The following FLG variants were observed in gnomAD, a reference collection of about 807,000 sequenced individuals.
FLG encodes the protein epidermal filaggrin.
In FLG, 6 loss-of-function variants were observed where a neutral mutation model predicts 3.8. The observed-to-expected ratio is 1.60, with a 90% CI of 0.87 to 3.15. The LOEUF (loss-of-function observed/expected upper bound fraction) is 3.15. Among genes scored for constraint, FLG ranks in the 30% most tolerant of loss-of-function variants. FLG has a pLI of 0.00. For synonymous variants in FLG, 2,551 were observed against 1,931.6 expected (o/e 1.32, Z -8.41); for missense variants, 7,595 against 5,050.9 (o/e 1.50, Z -15.27).
Position 152,315,307 on chromosome 1 carries a change from A to G in FLG, c.138+12T>C. 2 of 1,612,660 alleles carry G rather than the reference A, an allele frequency of 1.2e-6. No individual in the cohort carries two copies. The highest frequency in any genetic ancestry group is 1.7e-6 in the Non-Finnish European group (2 of 1,179,008). On this transcript the variant is annotated intron_variant, in intron 2 of 2. Transcript: ENST00000368799. ...CAAATGCTCTATCTTTGGTCTTGTC[A>G]GAGACTCTTACCTTCAGGATTTGCC...
chr1:152,324,981 C>A (rs543758039), intron 1 of FLG, among the ~76,000 whole-genome samples: 1 of 151,896 alleles, frequency 6.6e-6, no homozygotes, highest in South Asian at 2.1e-4. Context: ...GACAATCTAA[C>A]AATACAGAGT....
chr1:152,313,967 A>G lies in FLG; in HGVS notation c.919T>C (p.Ser307Pro), dbSNP rs778543583. The change falls in exon 3 of 3, where the codon TCA becomes CCA. Residue 307 changes from serine (S) to proline (P), a missense_variant. Coordinates refer to ENST00000368799, the MANE Select transcript of FLG (RefSeq NM_002016.2). ...VSQDRDSEGH[S>P]EDSERHSGSA... ...CCAGAGTGCCTCTCAGAGTCTTCTG[A>G]GTGTCCCTCACTGTCCCTGTCCTGG... The G allele has an allele frequency of 9.9e-6, 16 of 1,613,870 alleles. No individual in the cohort carries two copies. Among genetic ancestry groups the G allele is most frequent in the Middle Eastern group, 3.3e-4 (2 of 6,084 alleles).
chr1:152,309,384 A>G lies in FLG; in HGVS notation c.5502T>C (p.Asp1834=). The G allele has an allele frequency of 6.2e-6, 10 of 1,613,658 alleles. No homozygotes were observed. Among genetic ancestry groups the G allele is most frequent in the Non-Finnish European group, 8.5e-6 (10 of 1,179,962 alleles). The change falls in exon 3 of 3, where the codon GAT becomes GAC. Residue 1834 remains aspartate (D), a synonymous_variant. Transcript: ENST00000368799. Reference sequence around the variant, plus strand: ...GATGAGACCCTGAGTGTCCAGAACTATCTACCGATTGCTCATAGTGGGATC... The same window carrying G: ...GATGAGACCCTGAGTGTCCAGAACTGTCTACCGATTGCTCATAGTGGGATC... ...RQGSHYEQSV[D]SSGHSGSHHS... is the part of the protein sequence containing the mutation.
rs770124846 is a variant in FLG at position 152,314,395 on chromosome 1, T to C, written c.491A>G (p.Tyr164Cys). The C allele has an allele frequency of 7.4e-6, 12 of 1,613,334 alleles. No homozygotes were observed. The highest frequency in any genetic ancestry group is 6.8e-6 in the Non-Finnish European group (8 of 1,179,896). Residue 164 changes from tyrosine (Y) to cysteine (C), a missense_variant, in exon 3 of 3, where the codon TAT becomes TGT. Tyr to Cys is a radical substitution (Grantham distance 194). Coordinates refer to ENST00000368799, the MANE Select transcript of FLG (RefSeq NM_002016.2). ...TTCTTCTTCTCTATGAGTAGGTGAA[T>C]ATCCTTTTCTTTCTTTTTTTTCAGA... is the stretch of plus-strand genomic sequence containing the variant. ...SSSEKKERKG[Y>C]SPTHREEEYG...
rs2101635157 is a variant in FLG at position 152,303,492 on chromosome 1, A to C, written c.11394T>G (p.Asp3798Glu). Residue 3798 changes from aspartate to glutamate, a missense_variant, in exon 3 of 3, where the codon GAT (aspartate) becomes GAG (glutamate). By Grantham distance (45) the Asp-to-Glu change is conservative. Coordinates refer to ENST00000368799, the MANE Select transcript of FLG (RefSeq NM_002016.2). ...TGGATCCTGACTGCCCATGGGAGGC[A>C]TCAGACCTTCCCTGGGATGTGGTGT... ...HSHTTSQGRS[D>E]ASHGQSGSRS... is the part of the protein sequence containing the mutation. 1 of 1,613,972 alleles carries C rather than the reference A, an allele frequency of 6.2e-7. No individual in the cohort carries two copies. Among genetic ancestry groups the C allele is most frequent in the Non-Finnish European group, 8.5e-7 (1 of 1,180,010 alleles).
intron 1 of FLG, among the ~76,000 whole-genome samples, chr1:152,318,867 G>A (rs1274019626): frequency 6.6e-6 from 1 of 151,816 alleles, no homozygotes; most frequent in Non-Finnish European, 1.5e-5. Flanking sequence ...TAAGTGATAT[G>A]TACATAACTA....
At position 152,314,299 on chromosome 1, in the gene FLG, TTGTCTCCTAA is replaced by T; in HGVS notation, c.577_586del (p.Leu193IlefsTer5). The stretch of plus-strand genomic sequence containing the variant: ...AAGTCTTTCACTTAGCCTCTTCCTA[TTGTCTCCTAA>T]TCTAGTATTTTCAGTCTTGTTTTTC... On this transcript the variant is annotated frameshift_variant, in exon 3 of 3. Coordinates refer to ENST00000368799, the MANE Select transcript of FLG (RefSeq NM_002016.2). LOFTEE classifies it low-confidence loss of function (END_TRUNC). 1 of 1,613,668 alleles carries T rather than the reference TTGTCTCCTAA, an allele frequency of 6.2e-7. No individual in the cohort carries two copies.
At position 152,308,878 on chromosome 1, in the gene FLG, T is replaced by C; in HGVS notation, c.6008A>G (p.Glu2003Gly). Residue 2003 changes from glutamate (E) to glycine (G), a missense_variant, in exon 3 of 3, where the codon GAA (glutamate) becomes GGA (glycine). Transcript: ENST00000368799. ...SHEQARSSAG[E>G]RHGSHHQLQS... ...GAGCTGGTGGTGGGATCCATGTCTTTCTCCTGCACTTGATCTTGCCTGTTC... is the reference window on the plus strand; with the variant it reads ...GAGCTGGTGGTGGGATCCATGTCTTCCTCCTGCACTTGATCTTGCCTGTTC... 1 of 1,614,146 alleles carries C rather than the reference T, an allele frequency of 6.2e-7. No homozygotes were observed. Among genetic ancestry groups the C allele is most frequent in the Non-Finnish European group, 8.5e-7 (1 of 1,180,000 alleles).
chr1:152,308,197 G>T lies in FLG; in HGVS notation c.6689C>A (p.Ser2230Ter), dbSNP rs1019567088. Residue 2230 changes from serine to a stop codon, truncating the protein, a stop_gained, in exon 3 of 3, where the codon TCA (serine) becomes TAA (stop). Transcript: ENST00000368799. LOFTEE classifies it low-confidence loss of function (END_TRUNC). ...SRHSLVGQGQ[S>*]SGPRTSRPRG... ...GGGCCTGCTTGTCCTGGGCCCTGAT[G>T]ATTGTCCCTGGCCCACCAGTGAGTG... 2 of 1,613,904 alleles carry T rather than the reference G, an allele frequency of 1.2e-6. No individual in the cohort carries two copies. Among genetic ancestry groups the T allele is most frequent in the Non-Finnish European group, 1.7e-6 (2 of 1,179,982 alleles).
At position 152,314,148 on chromosome 1, in the gene FLG, G is replaced by T; in HGVS notation, c.738C>A (p.Thr246=). 6.2e-7 allele frequency: 1 copy of T among 1,614,114 alleles called. No homozygotes were observed. The stretch of plus-strand genomic sequence containing the variant: ...TGTTTTCTTCTAATAGACTATCAGT[G>T]GTGTCATAGGCTTCATCCTGGATTG... ...YYTIQDEAYD[T]TDSLLEENKI... Residue 246 remains threonine (T), a synonymous_variant, in exon 3 of 3, where the codon ACC becomes ACA. Coordinates refer to ENST00000368799, the MANE Select transcript of FLG (RefSeq NM_002016.2).
In FLG at chr1:152,312,592, T is replaced by C. The variant is rs758594800; in HGVS notation, c.2294A>G (p.His765Arg). Residue 765 changes from histidine to arginine, a missense_variant, in exon 3 of 3, where the codon CAT (histidine) becomes CGT (arginine). His to Arg is a conservative substitution (Grantham distance 29). Coordinates refer to ENST00000368799, the MANE Select transcript of FLG (RefSeq NM_002016.2). ...EDSDTQSVSG[H>R]GQAGHHQQSH... Reference sequence around the variant, plus strand: ...CTGCTGATGGTGACCAGCCTGTCCATGGCCTGACACTGACTGTGTGTCTGA... The same window carrying C: ...CTGCTGATGGTGACCAGCCTGTCCACGGCCTGACACTGACTGTGTGTCTGA... The C allele has an allele frequency of 1.9e-6, 3 of 1,613,646 alleles. No individual in the cohort carries two copies. The highest frequency in any genetic ancestry group is 2.2e-5 in the East Asian group (1 of 44,814).
rs1175380256 is a variant in FLG at position 152,303,001 on chromosome 1, C to T, written c.11885G>A (p.Gly3962Asp). The T allele has an allele frequency of 1.1e-5, 18 of 1,614,108 alleles. No individual in the cohort carries two copies. The highest frequency in any genetic ancestry group is 1.4e-5 in the Non-Finnish European group (17 of 1,180,018). ...SSSSYHYQSE[G>D]TERQKGQSGL... ...TGATTGACCTTTTTGCCTTTCAGTG[C>T]CCTCAGATTGATAATGATAAGAACT... The change falls in exon 3 of 3, where the codon GGC (glycine) becomes GAC (aspartate). Residue 3962 changes from glycine to aspartate, a missense_variant. Transcript: ENST00000368799.
At position 152,315,299 on chromosome 1, in the gene FLG, G is replaced by T. The variant is rs755293559; in HGVS notation, c.138+20C>A. 1.2e-6 allele frequency: 2 copies of T among 1,611,700 alleles called. No individual in the cohort carries two copies. The highest frequency in any genetic ancestry group is 1.7e-5 in the Admixed American group (1 of 59,922). On this transcript the variant is annotated intron_variant, in intron 2 of 2. Coordinates refer to ENST00000368799, the MANE Select transcript of FLG (RefSeq NM_002016.2). Reference sequence around the variant, plus strand: ...GAGAAAAACAAATGCTCTATCTTTGGTCTTGTCAGAGACTCTTACCTTCAG... The same window carrying T: ...GAGAAAAACAAATGCTCTATCTTTGTTCTTGTCAGAGACTCTTACCTTCAG...
At position 152,303,226 on chromosome 1, in the gene FLG, T is replaced by C. The variant is rs1190767033; in HGVS notation, c.11660A>G (p.His3887Arg). Reference protein sequence around the residue: ...ERRSESASRNHHGSSREQSRD... With the variant: ...ERRSESASRNRHGSSREQSRD... ...TGACTGCTCCCGAGAAGATCCATGA[T>C]GGTTTCTGGAAGCAGACTCAGATCG... Residue 3887 changes from histidine (H) to arginine (R), a missense_variant, in exon 3 of 3, where the codon CAT (histidine) becomes CGT (arginine). Physicochemically the swap from His to Arg is conservative, Grantham distance 29. Coordinates refer to ENST00000368799, the MANE Select transcript of FLG (RefSeq NM_002016.2). 3.7e-6 allele frequency: 6 copies of C among 1,614,016 alleles called. No individual in the cohort carries two copies. Among genetic ancestry groups the C allele is most frequent in the South Asian group, 1.1e-5 (1 of 91,050 alleles).
rs138449164 is a variant in FLG at position 152,319,308 on chromosome 1, A to ATGTGTGTGTG, written c.-21-3841_-21-3832dup. ...GACTAACTCTGAATACAACTAGAAA[A>ATGTGTGTGTG]TGTGTGTGTGTGTGTGTGTGTGTGT... On this transcript the variant is annotated intron_variant, in intron 1 of 2. Coordinates refer to ENST00000368799, the MANE Select transcript of FLG (RefSeq NM_002016.2). 8.3e-5 allele frequency among the ~76,000 whole-genome samples: 12 copies of ATGTGTGTGTG among 145,294 alleles called. No homozygotes were observed. In the East Asian group the frequency reaches 1.0e-3, roughly 12 times the overall value.
chr1:152,310,360 A>G lies in FLG; in HGVS notation c.4526T>C (p.Val1509Ala), dbSNP rs752573463. The change falls in exon 3 of 3, where the codon GTA becomes GCA. Residue 1509 changes from valine to alanine, a missense_variant. Coordinates refer to ENST00000368799, the MANE Select transcript of FLG (RefSeq NM_002016.2). ...GTACCCTGAGTGTCCAGACCTATCTACTGATTGCTCGTGGTAGGATCCCTG... is the reference window on the plus strand; with the variant it reads ...GTACCCTGAGTGTCCAGACCTATCTGCTGATTGCTCGTGGTAGGATCCCTG... The part of the protein sequence containing the change: ...GRQGSYHEQS[V>A]DRSGHSGYHH... 6.8e-6 allele frequency: 11 copies of G among 1,613,432 alleles called. No individual in the cohort carries two copies. The East Asian group carries it at 1.8e-4, about 26-fold the overall frequency.
In FLG at chr1:152,310,835, A is replaced by G; in HGVS notation, c.4051T>C (p.Ser1351Pro). ...GATCCATGTCTTTCTCCTGGACTTG[A>G]TCTTGCCTGTTCATGGGATGACACA... ...QAVSSHEQAR[S>P]SPGERHGSRH... Residue 1351 changes from serine to proline, a missense_variant, in exon 3 of 3, where the codon TCA becomes CCA. Coordinates refer to ENST00000368799, the MANE Select transcript of FLG (RefSeq NM_002016.2). The G allele has an allele frequency of 4.3e-6, 7 of 1,611,442 alleles. No homozygotes were observed. The highest frequency in any genetic ancestry group is 4.2e-6 in the Non-Finnish European group (5 of 1,178,996).
At position 152,313,417 on chromosome 1, in the gene FLG, C is replaced by A; in HGVS notation, c.1469G>T (p.Gly490Val). 6.2e-7 allele frequency: 1 copy of A among 1,613,858 alleles called. No individual in the cohort carries two copies. The highest frequency in any genetic ancestry group is 8.5e-7 in the Non-Finnish European group (1 of 1,179,940). The change falls in exon 3 of 3, where the codon GGA becomes GTA. Residue 490 changes from glycine to valine, a missense_variant. Coordinates refer to ENST00000368799, the MANE Select transcript of FLG (RefSeq NM_002016.2). The stretch of plus-strand genomic sequence containing the variant: ...CTCGTGGTGCGATCCTTGTCTTCCT[C>A]CAGTGCTGGTCCCGGTCCGTCCATG... ...SAHGRTGTST[G>V]GRQGSHHEQA... is the part of the protein sequence containing the mutation.
In FLG at chr1:152,311,873, A is replaced by G. The variant is rs1652453928; in HGVS notation, c.3013T>C (p.Ser1005Pro). 2.5e-6 allele frequency: 4 copies of G among 1,613,896 alleles called. No homozygotes were observed. The highest frequency in any genetic ancestry group is 1.3e-5 in the African/African-American group (1 of 74,924). Residue 1005 changes from serine (S) to proline (P), a missense_variant, in exon 3 of 3, where the codon TCA (serine) becomes CCA (proline). Coordinates refer to ENST00000368799, the MANE Select transcript of FLG (RefSeq NM_002016.2). ...HGHSADSSRQ[S>P]GTPHAETSSG... ...GAAGTCTCTGCGTGAGGAGTTCCTG[A>G]TTGTCTGGAGCTGTCTGCAGAGTGC...
Sources: gnomAD v4.1 joint callset for allele counts (sites outside exome capture counted in the v4.1 genomes callset) on GRCh38, gnomAD v4.1.1 for gene constraint, MANE v1.5 for transcripts, NCBI Gene and HGNC (gene_info 2026-07-23, HGNC 2026-07-21) for gene names.